LOC400499: variants seen among roughly 807,000 people sequenced by gnomAD.
chr16:11,491,672 CCCCT>C, the LOC400499 span: 1 of 368,048 alleles, frequency 2.7e-6, no homozygotes, highest in Admixed American at 4.6e-5. Context: ...CCTGCCCACA[CCCCT>C]CCCACACACA....
the LOC400499 span, among the ~76,000 whole-genome samples, chr16:11,400,060 G>GAAAAAA: frequency 2.7e-3 from 397 of 146,078 alleles, 3 homozygotes; most frequent in African/African-American, 9.6e-3. Flanking sequence ...GCATTTAAAT[G>GAAAAAA]AAAAAAAAAA....
At chr16:11,514,677 G>A in the LOC400499 span, 2 of 397,892 alleles carry the variant, frequency 5.0e-6, no homozygotes, top group East Asian at 3.6e-5. Context: ...AGGCTGGGGA[G>A]GAGACCCTGA....
At chr16:11,403,840 T>G in the LOC400499 span, among the ~76,000 whole-genome samples, 1 of 152,122 alleles carries the variant, frequency 6.6e-6, no homozygotes, top group Admixed American at 6.5e-5. Flanking sequence ...GCACCACAAC[T>G]GCCCAGGGAT....
chr16:11,384,573 A>G, the LOC400499 span, among the ~76,000 whole-genome samples: 1 of 152,166 alleles, frequency 6.6e-6, no homozygotes, highest in South Asian at 2.1e-4. Context: ...CCATGTCCTC[A>G]GCTCAAGTGG....
the LOC400499 span, chr16:11,412,992 T>G: frequency 7.5e-6 from 3 of 398,960 alleles, no homozygotes; most frequent in Non-Finnish European, 1.3e-5. Context: ...TGGGTGTACA[T>G]AGCCTGAGGA....
the LOC400499 span, among the ~76,000 whole-genome samples, chr16:11,376,306 T>C: frequency 3.3e-5 from 5 of 152,188 alleles, no homozygotes; most frequent in Middle Eastern, 3.2e-3. Flanking sequence ...AAGAGTTGTA[T>C]AGTTTTAGCT....
At chr16:11,455,671 G>T in the LOC400499 span, among the ~76,000 whole-genome samples, 1 of 149,628 alleles carries the variant, frequency 6.7e-6, no homozygotes, top group South Asian at 2.1e-4. Context: ...GGATGCAGAG[G>T]TTGCAGTGAG....
the LOC400499 span, among the ~76,000 whole-genome samples, chr16:11,412,652 G>A: frequency 6.6e-6 from 1 of 152,242 alleles, no homozygotes; most frequent in African/African-American, 2.4e-5. Flanking sequence ...CCTGCCTGGA[G>A]AGGATGAGGG....
the LOC400499 span, among the ~76,000 whole-genome samples, chr16:11,455,514 C>A: frequency 6.6e-6 from 1 of 152,058 alleles, no homozygotes; most frequent in Non-Finnish European, 1.5e-5. Flanking sequence ...GAAGGTGGAT[C>A]ACTTGAGCTC....
chr16:11,378,143 C>T, the LOC400499 span, among the ~76,000 whole-genome samples: 1 of 152,094 alleles, frequency 6.6e-6, no homozygotes, highest in Non-Finnish European at 1.5e-5. Context: ...TGCCACGTTG[C>T]CCAAGCTAGT....
chr16:11,473,145 T>TAAAAA, the LOC400499 span: 2 of 131,052 alleles, frequency 1.5e-5, no homozygotes, highest in Non-Finnish European at 3.3e-5. Flanking sequence ...ATAAATAAAA[T>TAAAAA]AAAAATGTAC....
At chr16:11,384,041 G>T in the LOC400499 span, 1 of 1,231,838 alleles carries the variant, frequency 8.1e-7, no homozygotes. Context: ...CAGGCCTCCT[G>T]CTGGACCATG....
At chr16:11,397,789 G>GGATGGATGGAT in the LOC400499 span, among the ~76,000 whole-genome samples, 1 of 134,214 alleles carries the variant, frequency 7.5e-6, no homozygotes, top group African/African-American at 2.8e-5. Context: ...GAGGGAGGGA[G>GGATGGATGGAT]GGAGGGAGGG....
chr16:11,449,212 T>C, the LOC400499 span: 6,831 of 1,028,628 alleles, frequency 6.6e-3, 171 homozygotes, highest in African/African-American at 0.063. Context: ...TCTTCATCCC[T>C]CAAAACCCCT....
chr16:11,462,293 T>C, the LOC400499 span: 1 of 1,500,076 alleles, frequency 6.7e-7, no homozygotes, highest in East Asian at 2.5e-5. Context: ...TGGCTGCAGG[T>C]CACTCCAGCC....
chr16:11,420,355 A>T, the LOC400499 span, among the ~76,000 whole-genome samples: 2 of 150,830 alleles, frequency 1.3e-5, no homozygotes, highest in Admixed American at 1.3e-4. Flanking sequence ...CAAAAAACCA[A>T]ACACCACATG....
the LOC400499 span, among the ~76,000 whole-genome samples, chr16:11,451,828 A>G: frequency 6.6e-6 from 1 of 152,170 alleles, no homozygotes; most frequent in South Asian, 2.1e-4. Context: ...ACAAAGACAC[A>G]GTGACGGGAA....
chr16:11,427,790 C>A, the LOC400499 span, among the ~76,000 whole-genome samples: 7 of 151,932 alleles, frequency 4.6e-5, no homozygotes, highest in African/African-American at 1.7e-4. Context: ...ATCAGAGGAA[C>A]GAAGAAAGGG....
the LOC400499 span, among the ~76,000 whole-genome samples, chr16:11,411,557 G>A: frequency 6.6e-6 from 1 of 152,296 alleles, no homozygotes; most frequent in African/African-American, 2.4e-5. Context: ...GTCCTGGCTT[G>A]GCCTCTGCCT....
Sources: allele counts gnomAD v4.1 joint callset (sites outside exome capture counted in the v4.1 genomes callset), GRCh38; gene constraint gnomAD v4.1.1; transcripts MANE v1.5.